EVI5: variants seen among roughly 807,000 people sequenced by gnomAD.
EVI5 encodes ecotropic viral integration site 5 protein homolog.
Under a neutral mutation model 112.0 loss-of-function variants are expected in EVI5, and 73 were observed. That is an observed-to-expected ratio of 0.65 (90% CI 0.54 to 0.79). The LOEUF (loss-of-function observed/expected upper bound fraction) is 0.79, where lower values mean the gene tolerates loss of function less well. EVI5 is among the 30% of genes least tolerant of loss of function. The probability of loss-of-function intolerance (pLI) is 0.00; values close to 1 mark genes in which losing one functional copy is unlikely to be tolerated. For synonymous variants in EVI5, 305 were observed against 319.9 expected (o/e 0.95, Z 0.50); for missense variants, 900 against 968.8 (o/e 0.93, Z 0.94).
chr1:92,607,343 T>C, intron 17 of EVI5: 1 of 368,934 alleles, frequency 2.7e-6, no homozygotes, highest in Non-Finnish European at 4.8e-6. Flanking sequence ...TAAATGCCAA[T>C]CCAGGAAATT....
intron 19 of EVI5, among the ~76,000 whole-genome samples, chr1:92,538,704 A>G (rs988541804): frequency 1.3e-5 from 2 of 152,180 alleles, no homozygotes; most frequent in African/African-American, 4.8e-5. Context: ...GAAGCAATAC[A>G]CTGGCTAGAA....
chr1:92,733,959 A>G (rs557325043), intron 2 of EVI5, among the ~76,000 whole-genome samples: 1 of 152,310 alleles, frequency 6.6e-6, no homozygotes, highest in African/African-American at 2.4e-5. Flanking sequence ...CTTTTGGCAG[A>G]GGAAGCAAGA....
rs574905464 is a variant in EVI5, at chr1:92,661,465, G to A, written c.1392+1254C>T. On this transcript the variant is annotated intron_variant, in intron 13 of 19. Coordinates refer to ENST00000684568, the MANE Select transcript of EVI5 (RefSeq NM_001350197.2). ...TTCATGATTCTAATGTATTATGACT[G>A]TAGCTTATGCTAAATGCAAACAATA... Among the ~76,000 whole-genome samples, 16 of 152,170 alleles carry A rather than the reference G, an allele frequency of 1.1e-4. 1 individual carries two copies. Among genetic ancestry groups the A allele is most frequent in the Admixed American group, 1.0e-3 (16 of 15,290 alleles).
intron 19 of EVI5, among the ~76,000 whole-genome samples, chr1:92,556,644 AAAT>A (rs1457893830): frequency 6.6e-6 from 1 of 152,198 alleles, no homozygotes; most frequent in Non-Finnish European, 1.5e-5. Flanking sequence ...CTTATTTCAA[AAAT>A]TCCAGTTTAG....
intron 1 of EVI5, among the ~76,000 whole-genome samples, chr1:92,772,147 C>T (rs1241010766): frequency 4.6e-5 from 7 of 151,814 alleles, no homozygotes; most frequent in Non-Finnish European, 8.8e-5. Flanking sequence ...CCACCACACC[C>T]GGCCTGCCCA....
intron 19 of EVI5, among the ~76,000 whole-genome samples, chr1:92,514,699 T>C (rs546768463): frequency 5.9e-5 from 9 of 152,250 alleles, no homozygotes; most frequent in Middle Eastern, 3.4e-3. Context: ...TCTTTTTACA[T>C]TACACACCTC....
At position 92,704,583 on chromosome 1, in the gene EVI5, A is replaced by G; in HGVS notation, c.311T>C (p.Val104Ala). ...WGRIVNEWED[V>A]RKKKEKQVKE... The stretch of plus-strand genomic sequence containing the variant: ...AACTTGCTTTTCCTTCTTTTTGCGT[A>G]CATCTTCCCATTCATTAACAATTCT... The change falls in exon 3 of 20, where the codon GTA becomes GCA. Residue 104 changes from valine to alanine, a missense_variant. By Grantham distance (64) the Val-to-Ala change is moderately conservative (BLOSUM62 0). Transcript: ENST00000684568. 6.3e-7 allele frequency: 1 copy of G among 1,582,054 alleles called. No individual in the cohort carries two copies. The highest frequency in any genetic ancestry group is 8.6e-7 in the Non-Finnish European group (1 of 1,166,298).
chr1:92,630,129 C>T (rs983231895), intron 14 of EVI5, among the ~76,000 whole-genome samples: 8 of 152,264 alleles, frequency 5.3e-5, no homozygotes, highest in Non-Finnish European at 7.4e-5. Context: ...AAGAAACATA[C>T]GTGTGCATGT....
At chr1:92,611,844 G>A (rs370600476) in intron 16 of EVI5, among the ~76,000 whole-genome samples, 1 of 151,866 alleles carries the variant, frequency 6.6e-6, no homozygotes, top group East Asian at 1.9e-4. Context: ...AGGAGCTTGA[G>A]GCTGTAGTGA....
At chr1:92,709,404 T>C (rs956127546) in intron 2 of EVI5, among the ~76,000 whole-genome samples, 6 of 152,332 alleles carry the variant, frequency 3.9e-5, no homozygotes, top group African/African-American at 1.4e-4. Context: ...GCACTAGGGA[T>C]AGTAAAAATT....
chr1:92,663,461 G>A lies in EVI5; in HGVS notation c.1213-9C>T. ...GCCAAGGAAGCACTTTCCTACAAAA[G>A]GAAAAATTCAGATAGAAATATAAGA... On this transcript the variant is annotated splice_polypyrimidine_tract_variant and intron_variant, in intron 11 of 19. Coordinates refer to ENST00000684568, the MANE Select transcript of EVI5 (RefSeq NM_001350197.2). 7.3e-7 allele frequency: 1 copy of A among 1,367,006 alleles called. No individual in the cohort carries two copies. Among genetic ancestry groups the A allele is most frequent in the Non-Finnish European group, 9.8e-7 (1 of 1,018,664 alleles). 84.7% of individuals were successfully genotyped at this position (1,367,006 alleles called of 1,614,324 possible).
intron 16 of EVI5, among the ~76,000 whole-genome samples, chr1:92,617,460 G>A (rs1046120354): frequency 1.3e-5 from 2 of 152,364 alleles, no homozygotes; most frequent in South Asian, 4.1e-4. Flanking sequence ...GGTGACCTCA[G>A]CAGAGGAGGA....
intron 9 of EVI5, among the ~76,000 whole-genome samples, chr1:92,689,897 G>C (rs1669207639): frequency 6.6e-6 from 1 of 152,130 alleles, no homozygotes; most frequent in African/African-American, 2.4e-5. Context: ...AAGTTGTTTT[G>C]TTTTGTTTAA....
At chr1:92,753,552 ATTCT>A (rs1007837349) in intron 1 of EVI5, among the ~76,000 whole-genome samples, 12 of 152,222 alleles carry the variant, frequency 7.9e-5, no homozygotes, top group Admixed American at 7.2e-4. Flanking sequence ...AATATTTTAC[ATTCT>A]TTCTTTAATA....
intron 1 of EVI5, among the ~76,000 whole-genome samples, chr1:92,755,400 G>A (rs1211186101): frequency 6.6e-6 from 1 of 152,074 alleles, no homozygotes; most frequent in African/African-American, 2.4e-5. Flanking sequence ...GACACAGCAA[G>A]ATTCCGTCTT....
At chr1:92,557,990 A>G (rs1667946231) in intron 19 of EVI5, among the ~76,000 whole-genome samples, 1 of 152,166 alleles carries the variant, frequency 6.6e-6, no homozygotes, top group Admixed American at 6.6e-5. Context: ...CACCTGCTTC[A>G]GCCTCCCAAA....
At position 92,636,195 on chromosome 1, in the gene EVI5, T is replaced by C. The variant is rs1658790124; in HGVS notation, c.1527+7A>G. 2.5e-6 allele frequency: 4 copies of C among 1,608,422 alleles called. No homozygotes were observed. ...TGGGAATGACTGCATTTGTGTAGGT[T>C]TCTTACCTTCTCTATATCCAAGACT... On this transcript the variant is annotated splice_region_variant and intron_variant, in intron 14 of 19. Transcript: ENST00000684568.
At chr1:92,596,239 T>C (rs1647827511) in intron 18 of EVI5, among the ~76,000 whole-genome samples, 1 of 152,152 alleles carries the variant, frequency 6.6e-6, no homozygotes, top group South Asian at 2.1e-4. Flanking sequence ...CATGTGCCTG[T>C]AGTCCCAGCT....
intron 1 of EVI5, among the ~76,000 whole-genome samples, chr1:92,754,703 A>C (rs1405557034): frequency 1.3e-5 from 2 of 152,244 alleles, no homozygotes; most frequent in African/African-American, 4.8e-5. Flanking sequence ...GGCTTCCCCC[A>C]GAACAAGAAA....
Sources: gnomAD v4.1 joint callset for allele counts (sites outside exome capture counted in the v4.1 genomes callset) on GRCh38, gnomAD v4.1.1 for gene constraint, MANE v1.5 for transcripts, NCBI Gene and HGNC (gene_info 2026-07-23, HGNC 2026-07-21) for gene names.